The following RBMS3 variants were observed in gnomAD, a reference collection of about 807,000 sequenced individuals.
RBMS3 encodes RNA-binding motif, single-stranded-interacting protein 3.
RBMS3 carries 27 observed loss-of-function variants against 66.8 expected under a neutral mutation model. The observed-to-expected ratio is 0.40, with a 90% confidence interval of 0.30 to 0.56. RBMS3 has a LOEUF of 0.56. Among genes scored for constraint, RBMS3 ranks in the 20% least tolerant of loss-of-function variants. The probability of loss-of-function intolerance (pLI) is 0.40; values close to 1 mark genes in which losing one functional copy is unlikely to be tolerated. For synonymous variants in RBMS3, 188 were observed against 183.0 expected (o/e 1.03, Z -0.22); for missense variants, 513 against 549.5 (o/e 0.93, Z 0.66).
At chr3:29,374,235 A>G (rs1319321472) in intron 1 of RBMS3, among the ~76,000 whole-genome samples, 1 of 152,242 alleles carries the variant, frequency 6.6e-6, no homozygotes, top group Non-Finnish European at 1.5e-5. Context: ...AGCCTTTTAG[A>G]AAATGTTGAG....
At chr3:29,300,108 G>A (rs2033571119) in intron 1 of RBMS3, among the ~76,000 whole-genome samples, 1 of 152,024 alleles carries the variant, frequency 6.6e-6, no homozygotes. Flanking sequence ...CCACGAGGGA[G>A]ATACTATTTT....
intron 10 of RBMS3, chr3:29,903,284 T>C (rs557831354): frequency 6.6e-6 from 1 of 152,088 alleles, no homozygotes; most frequent in East Asian, 1.9e-4. Context: ...ATCAAGAGCA[T>C]TTCTGTTTGC....
At chr3:29,817,360 C>T (rs1462433007) in intron 6 of RBMS3, among the ~76,000 whole-genome samples, 6 of 151,802 alleles carry the variant, frequency 4.0e-5, no homozygotes, top group African/African-American at 7.3e-5. Flanking sequence ...TCCACCACCA[C>T]GCCTGGCTAA....
chr3:29,824,349 T>C (rs1484253787), intron 6 of RBMS3, among the ~76,000 whole-genome samples: 1 of 152,142 alleles, frequency 6.6e-6, no homozygotes, highest in Non-Finnish European at 1.5e-5. Context: ...CTGAATCTGC[T>C]ACTGCCTCCA....
chr3:29,890,724 A>G (rs2059981507), intron 8 of RBMS3, among the ~76,000 whole-genome samples: 1 of 151,640 alleles, frequency 6.6e-6, no homozygotes, highest in Non-Finnish European at 1.5e-5. Flanking sequence ...ACTATAAGAT[A>G]TATGTATATA....
chr3:29,521,589 A>T (rs2044859246), intron 3 of RBMS3, among the ~76,000 whole-genome samples: 1 of 152,194 alleles, frequency 6.6e-6, no homozygotes. Context: ...TGAGTCCAGG[A>T]TGTACAAATC....
intron 1 of RBMS3, among the ~76,000 whole-genome samples, chr3:29,360,289 T>A (rs966184949): frequency 3.3e-5 from 5 of 152,052 alleles, no homozygotes; most frequent in African/African-American, 1.2e-4. Context: ...TATTTCTGCC[T>A]TCATTTCGTT....
intron 6 of RBMS3, among the ~76,000 whole-genome samples, chr3:29,772,521 A>T (rs2056255427): frequency 6.6e-6 from 1 of 151,962 alleles, no homozygotes; most frequent in South Asian, 2.1e-4. Flanking sequence ...TTTTTTCAGC[A>T]CCATCACAAT....
chr3:29,801,609 C>T (rs2057394025), intron 6 of RBMS3, among the ~76,000 whole-genome samples: 2 of 152,022 alleles, frequency 1.3e-5, no homozygotes, highest in African/African-American at 2.4e-5. Context: ...AAGGAAAATC[C>T]AAATATTTCA....
intron 6 of RBMS3, among the ~76,000 whole-genome samples, chr3:29,829,065 G>A (rs1337239165): frequency 7.1e-6 from 1 of 140,582 alleles, no homozygotes; most frequent in Non-Finnish European, 1.5e-5. Flanking sequence ...TGTTTTTTGA[G>A]ACAGAGTCTC....
chr3:29,602,729 T>C (rs979870456), intron 4 of RBMS3, among the ~76,000 whole-genome samples: 1 of 152,062 alleles, frequency 6.6e-6, no homozygotes, highest in African/African-American at 2.4e-5. Flanking sequence ...CATACCTTTT[T>C]GTTATGGTAA....
intron 4 of RBMS3, among the ~76,000 whole-genome samples, chr3:29,690,311 G>A (rs896623540): frequency 7.2e-5 from 11 of 152,032 alleles, no homozygotes; most frequent in African/African-American, 2.4e-4. Flanking sequence ...TTAGCTGGAC[G>A]TGGTGGCATG....
At chr3:29,885,870 G>A (rs1002406770) in intron 8 of RBMS3, among the ~76,000 whole-genome samples, 2 of 151,800 alleles carry the variant, frequency 1.3e-5, no homozygotes, top group African/African-American at 2.4e-5. Context: ...GTTGCCCAAG[G>A]CTCTATGCCA....
chr3:29,743,752 A>G (rs76556906), intron 5 of RBMS3, among the ~76,000 whole-genome samples: 2 of 141,874 alleles, frequency 1.4e-5, no homozygotes, highest in Non-Finnish European at 3.1e-5. Flanking sequence ...TTTAAATTTT[A>G]TTATTATTAT....
intron 12 of RBMS3, among the ~76,000 whole-genome samples, chr3:29,979,424 T>A (rs1697826460): frequency 6.6e-6 from 1 of 152,304 alleles, no homozygotes; most frequent in Non-Finnish European, 1.5e-5. Context: ...AAGTGTCATT[T>A]GAAGAAGTTT....
chr3:29,315,597 G>A (rs73054435), intron 1 of RBMS3, among the ~76,000 whole-genome samples: 22,463 of 151,618 alleles, frequency 0.15, 1,781 homozygotes, highest in Middle Eastern at 0.21. Context: ...GTGAGAGAGA[G>A]CTTGTGGATC....
intron 2 of RBMS3, among the ~76,000 whole-genome samples, chr3:29,446,388 A>G (rs1291751503): frequency 6.6e-6 from 1 of 152,124 alleles, no homozygotes; most frequent in Non-Finnish European, 1.5e-5. Flanking sequence ...AAAAGCACAT[A>G]TTTTGATTTT....
chr3:29,579,262 T>A (rs963710411), intron 3 of RBMS3, among the ~76,000 whole-genome samples: 1 of 152,174 alleles, frequency 6.6e-6, no homozygotes, highest in Non-Finnish European at 1.5e-5. Flanking sequence ...GCTTCGGTTG[T>A]GGGGAAGAGT....
rs200620605 is a variant in RBMS3 at position 29,293,917 on chromosome 3, C to CT, written c.75+12169dup. On this transcript the variant is annotated intron_variant, in intron 1 of 14. Transcript: ENST00000383767. ...ATTATTGCTTTTTATATGTTTCTCT[C>CT]TTTTTTTTACAAGGTACAGTGGGAT... is the stretch of plus-strand genomic sequence containing the variant. Among the ~76,000 whole-genome samples, 726 of 149,996 alleles carry CT rather than the reference C, an allele frequency of 4.8e-3. 3 individuals carry two copies. Among genetic ancestry groups the CT allele is most frequent in the African/African-American group, 9.8e-3 (402 of 40,932 alleles).
Sources: gnomAD v4.1 joint callset for allele counts (sites outside exome capture counted in the v4.1 genomes callset) on GRCh38, gnomAD v4.1.1 for gene constraint, MANE v1.5 for transcripts, NCBI Gene and HGNC (gene_info 2026-07-23, HGNC 2026-07-21) for gene names.